The following TMEM63B variants were observed in gnomAD, a reference collection of about 807,000 sequenced individuals.
TMEM63B encodes mechanosensitive cation channel TMEM63B.
A neutral mutation model predicts 102.6 loss-of-function variants in TMEM63B; 23 were observed. The observed-to-expected ratio is 0.22, with a 90% confidence interval of 0.16 to 0.32. TMEM63B has a LOEUF of 0.32. Among genes scored for constraint, TMEM63B ranks in the 10% least tolerant of loss-of-function variants. The probability of loss-of-function intolerance (pLI) is 1.00; values close to 1 mark genes in which losing one functional copy is unlikely to be tolerated. For missense variants in TMEM63B, 628 were observed against 1,095.9 expected (o/e 0.57, Z 6.03); for synonymous variants, 444 against 437.0 (o/e 1.02, Z -0.20).
chr6:44,150,456 C>T lies in TMEM63B; in HGVS notation c.1608-108C>T. 1 of 1,481,078 alleles carries T rather than the reference C, an allele frequency of 6.8e-7. No homozygotes were observed. The highest frequency in any genetic ancestry group is 1.1e-5 in the South Asian group (1 of 86,964). 91.7% of individuals were successfully genotyped at this position (1,481,078 alleles called of 1,614,324 possible). A position where few individuals can be genotyped will look rare whatever the true frequency, so the allele number is the denominator to read the frequency against. ...ACCCCCAGGCCTCCTGAGCTACCCA[C>T]CCCATGTCTGGGAGTCTCCCCAGTG... is the stretch of plus-strand genomic sequence containing the variant. On this transcript the variant is annotated intron_variant, in intron 17 of 23. Coordinates refer to ENST00000323267, the MANE Select transcript of TMEM63B (RefSeq NM_018426.3). The surrounding 1 kb of genome is among the most constrained non-coding windows in gnomAD (Gnocchi z 4.7).
intron 10 of TMEM63B, among the ~76,000 whole-genome samples, chr6:44,145,873 A>G (rs1765282285): frequency 6.6e-6 from 1 of 152,206 alleles, no homozygotes; most frequent in Admixed American, 6.5e-5. Context: ...AGTCAGTGCC[A>G]GTTTCTCTCT....
rs567399988 is a variant in TMEM63B at position 44,134,915 on chromosome 6, A to G, written c.160-102A>G. On this transcript the variant is annotated intron_variant, in intron 2 of 23. Transcript: ENST00000323267. ...TTGACCATTCACCCAAGCCAGGGTC[A>G]TCCCCTTCTAAGACAAGATTTTGGA... is the stretch of plus-strand genomic sequence containing the variant. The G allele has an allele frequency of 2.0e-6, 3 of 1,510,012 alleles. No individual in the cohort carries two copies. The East Asian group carries it at 6.9e-5, about 35-fold the overall frequency. 93.5% of individuals were successfully genotyped at this position (1,510,012 alleles called of 1,614,324 possible).
At chr6:44,141,830 A>G in intron 10 of TMEM63B, among the ~76,000 whole-genome samples, 1 of 152,202 alleles carries the variant, frequency 6.6e-6, no homozygotes, top group Non-Finnish European at 1.5e-5. Context: ...GGACTGTAAA[A>G]AATGAATGAG....
At chr6:44,145,760 AC>A (rs749547093) in intron 10 of TMEM63B, among the ~76,000 whole-genome samples, 93 of 152,110 alleles carry the variant, frequency 6.1e-4, no homozygotes, top group Non-Finnish European at 7.1e-4. Context: ...ATACAACAAG[AC>A]CCCATCTCAG....
At chr6:44,142,650 C>G (rs1764537158) in intron 10 of TMEM63B, among the ~76,000 whole-genome samples, 1 of 152,120 alleles carries the variant, frequency 6.6e-6, no homozygotes, top group Admixed American at 6.5e-5. Flanking sequence ...GAATCAGGAG[C>G]TGGCCAGTGG....
chr6:44,141,262 G>A (rs1764208477), intron 10 of TMEM63B, among the ~76,000 whole-genome samples, 164 bp downstream of exon 10: 1 of 152,180 alleles, frequency 6.6e-6, no homozygotes, highest in South Asian at 2.1e-4. Flanking sequence ...TTAGCACTTG[G>A]GTCGGGTGAT....
At chr6:44,129,336 C>T (rs1259500477) in intron 1 of TMEM63B, among the ~76,000 whole-genome samples, 2 of 146,752 alleles carry the variant, frequency 1.4e-5, no homozygotes, top group African/African-American at 5.1e-5. Context: ...GCACTTCACT[C>T]CAGCCTGGGT....
chr6:44,138,675 AGC>A (rs2128234402), intron 6 of TMEM63B, 158 bp downstream of exon 6: 1 of 735,482 alleles, frequency 1.4e-6, no homozygotes, highest in Admixed American at 2.2e-5. Context: ...CGGGTGCCTG[AGC>A]CTCTGCTGTA....
rs760426125 is a variant in TMEM63B, at chr6:44,134,608, A to C, written c.24A>C (p.Thr8=). ...CCATGCTGCCCTTTCTGCTGGCCAC[A>C]CTGGGCACCACAGCCCTCAACAACA... is the stretch of plus-strand genomic sequence containing the variant. The part of the protein sequence containing the change: MLPFLLA[T]LGTTALNNSN... The change falls in exon 2 of 24, where the codon ACA becomes ACC. Residue 8 remains threonine, a synonymous_variant. Coordinates refer to ENST00000323267, the MANE Select transcript of TMEM63B (RefSeq NM_018426.3). 1 of 1,614,098 alleles carries C rather than the reference A, an allele frequency of 6.2e-7. No individual in the cohort carries two copies. Among genetic ancestry groups the C allele is most frequent in the South Asian group, 1.1e-5 (1 of 91,090 alleles).
In TMEM63B at chr6:44,150,367, G is replaced by A; in HGVS notation, c.1607+57G>A. On this transcript the variant is annotated intron_variant, in intron 17 of 23. Coordinates refer to ENST00000323267, the MANE Select transcript of TMEM63B (RefSeq NM_018426.3). The surrounding 1 kb of genome is among the most constrained non-coding windows in gnomAD (Gnocchi z 4.7). ...GTAGGGGGACAGCAGGATAGGGAGA[G>A]GAGAGCAGTTCAGCCTCCCTACCTC... is the stretch of plus-strand genomic sequence containing the variant. 2 of 1,564,228 alleles carry A rather than the reference G, an allele frequency of 1.3e-6. No individual in the cohort carries two copies. Among genetic ancestry groups the A allele is most frequent in the Non-Finnish European group, 1.8e-6 (2 of 1,135,008 alleles).
intron 10 of TMEM63B, among the ~76,000 whole-genome samples, chr6:44,143,887 A>C (rs954033753): frequency 2.0e-5 from 3 of 152,204 alleles, no homozygotes; most frequent in African/African-American, 7.2e-5. Flanking sequence ...AGTGAACCCT[A>C]CTAGTCAACT....
chr6:44,149,134 AC>A, intron 15 of TMEM63B, 189 bp downstream of exon 15: 1 of 769,994 alleles, frequency 1.3e-6, no homozygotes, highest in South Asian at 1.7e-5. Flanking sequence ...GAGAGAGGCC[AC>A]CCTCAGGTGT....
In TMEM63B at chr6:44,154,415, C is replaced by T. The variant is rs767003012; in HGVS notation, c.2277C>T (p.Pro759=). 1.9e-5 allele frequency: 30 copies of T among 1,613,932 alleles called. No individual in the cohort carries two copies. Among genetic ancestry groups the T allele is most frequent in the Non-Finnish European group, 2.1e-5 (25 of 1,179,976 alleles). The change falls in exon 23 of 24, where the codon CCC becomes CCT. Residue 759 remains proline (P), a synonymous_variant. Transcript: ENST00000323267. The stretch of plus-strand genomic sequence containing the variant: ...TGGACCCCAGAAGCAATGGACGGCC[C>T]CCCACTGCTGCTGCTGTCCCCAAAT... ...DTVDPRSNGR[P]PTAAAVPKSA... is the part of the protein sequence containing the mutation.
chr6:44,143,613 G>A (rs1341693418), intron 10 of TMEM63B, among the ~76,000 whole-genome samples: 3 of 152,132 alleles, frequency 2.0e-5, no homozygotes, highest in Non-Finnish European at 2.9e-5. Flanking sequence ...TATCTAGTGA[G>A]CACCTGCTAT....
At chr6:44,131,037 C>T (rs1443214977) in intron 1 of TMEM63B, among the ~76,000 whole-genome samples, 1 of 152,018 alleles carries the variant, frequency 6.6e-6, no homozygotes, top group Non-Finnish European at 1.5e-5. Flanking sequence ...CCTGCCTCAG[C>T]CTCCCGAGTA....
chr6:44,140,310 T>C lies in TMEM63B; in HGVS notation c.661T>C (p.Tyr221His). 6.2e-7 allele frequency: 1 copy of C among 1,614,050 alleles called. No homozygotes were observed. Among genetic ancestry groups the C allele is most frequent in the Non-Finnish European group, 8.5e-7 (1 of 1,179,966 alleles). The stretch of plus-strand genomic sequence containing the variant: ...CTTCCTGTATCTGCTGCTCACCGTC[T>C]ACAGCATGCGTAGACACACCTCCAA... ...FAFLYLLLTV[Y>H]SMRRHTSKMR... is the part of the protein sequence containing the mutation. The change falls in exon 9 of 24, where the codon TAC (tyrosine) becomes CAC (histidine). Residue 221 changes from tyrosine (Y) to histidine (H), a missense_variant. Physicochemically the swap from Tyr to His is moderately conservative, Grantham distance 83. Around this residue, in one of 6 missense-constraint regions of TMEM63B, gnomAD observed 336 missense variants for 580.3 expected, o/e 0.58. Coordinates refer to ENST00000323267, the MANE Select transcript of TMEM63B (RefSeq NM_018426.3).
chr6:44,145,077 C>T (rs1017451275), intron 10 of TMEM63B, among the ~76,000 whole-genome samples: 9 of 151,612 alleles, frequency 5.9e-5, no homozygotes, highest in Admixed American at 5.3e-4. Flanking sequence ...GAGTTCAGGA[C>T]CAGCCTGGCC....
In TMEM63B at chr6:44,150,423, G is replaced by A; in HGVS notation, c.1607+113G>A. On this transcript the variant is annotated intron_variant, in intron 17 of 23. Transcript: ENST00000323267. The surrounding 1 kb of genome is among the most constrained non-coding windows in gnomAD (Gnocchi z 4.7). ...CAAAGCAAGGGGCCCAAGATGGGAAGCCTGGCCACCCCCAGGCCTCCTGAG... is the reference window on the plus strand; with the variant it reads ...CAAAGCAAGGGGCCCAAGATGGGAAACCTGGCCACCCCCAGGCCTCCTGAG... The A allele has an allele frequency of 1.4e-6, 2 of 1,456,700 alleles. No homozygotes were observed. The highest frequency in any genetic ancestry group is 1.2e-5 in the South Asian group (1 of 86,206). The allele number at this position is 1,456,700 out of a possible 1,614,324, so 90.2% of individuals were successfully genotyped here. A position where few individuals can be genotyped will look rare whatever the true frequency, so the allele number is the denominator to read the frequency against.
chr6:44,131,743 A>C (rs895111223), intron 1 of TMEM63B, among the ~76,000 whole-genome samples: 7 of 144,236 alleles, frequency 4.9e-5, no homozygotes, highest in Admixed American at 4.5e-4. Flanking sequence ...AACCCCCCCA[A>C]AAAAAAGCTT....
Sources: allele counts gnomAD v4.1 joint callset (sites outside exome capture counted in the v4.1 genomes callset), GRCh38; gene constraint gnomAD v4.1.1; regional missense constraint gnomAD v4.1.1; non-coding constraint Gnocchi (gnomAD v3.1); transcripts MANE v1.5; gene names NCBI Gene and HGNC (gene_info 2026-07-23, HGNC 2026-07-21).